The following GON4L variants were observed in gnomAD, a reference collection of about 807,000 sequenced individuals.
The protein encoded by GON4L is GON-4-like protein.
In GON4L, 87 loss-of-function variants were observed where a neutral mutation model predicts 211.8. The observed-to-expected ratio is 0.41, with a 90% CI of 0.35 to 0.49. The LOEUF (loss-of-function observed/expected upper bound fraction) is 0.49. GON4L is among the 20% of genes least tolerant of loss of function. The pLI is 0.15. For synonymous variants in GON4L, 875 were observed against 962.6 expected, an observed-to-expected ratio of 0.91 and a Z score of 1.68; for missense variants, 2,155 against 2,659.5, an observed-to-expected ratio of 0.81 and a Z score of 4.17.
intron 3 of GON4L, among the ~76,000 whole-genome samples, chr1:155,825,465 A>C (rs1281017742): frequency 6.6e-6 from 1 of 151,310 alleles, no homozygotes; most frequent in Non-Finnish European, 1.5e-5. Flanking sequence ...CCAGCTACCC[A>C]GGAGGCTGAG....
At chr1:155,825,959 C>T (rs968330588) in intron 3 of GON4L, among the ~76,000 whole-genome samples, 1 of 152,078 alleles carries the variant, frequency 6.6e-6, no homozygotes, top group Non-Finnish European at 1.5e-5. Flanking sequence ...GGGAGAATCG[C>T]TTGAACCTGG....
At chr1:155,806,360 C>A (rs1281360051) in intron 10 of GON4L, among the ~76,000 whole-genome samples, 2 of 151,910 alleles carry the variant, frequency 1.3e-5, no homozygotes, top group Non-Finnish European at 2.9e-5. Context: ...CCAGGCTTGT[C>A]TTGAATTCCT....
intron 8 of GON4L, among the ~76,000 whole-genome samples, chr1:155,815,102 CA>C (rs1177837669): frequency 6.7e-6 from 1 of 148,498 alleles, no homozygotes; most frequent in Non-Finnish European, 1.5e-5. Flanking sequence ...AGAGGAGACT[CA>C]AAAAAAAAAT....
intron 10 of GON4L, among the ~76,000 whole-genome samples, chr1:155,805,709 A>ATTT (rs1667062839): frequency 6.8e-6 from 1 of 146,218 alleles, no homozygotes. Context: ...TTTTTTTTTG[A>ATTT]GACATAGTCT....
chr1:155,822,570 A>T, intron 3 of GON4L, 94 bp from the exon 4 acceptor site: 1 of 884,270 alleles, frequency 1.1e-6, no homozygotes, highest in Non-Finnish European at 1.9e-6. Context: ...AAATCTCAAA[A>T]GCATTATGCT....
chr1:155,799,439 C>A (rs1666418606), intron 11 of GON4L, among the ~76,000 whole-genome samples: 1 of 151,990 alleles, frequency 6.6e-6, no homozygotes, highest in Admixed American at 6.6e-5. Flanking sequence ...TGTCTCAAAA[C>A]AAAACAAAAC....
chr1:155,841,115 T>C (rs1670735249), intron 2 of GON4L, among the ~76,000 whole-genome samples: 1 of 152,262 alleles, frequency 6.6e-6, no homozygotes. Context: ...TATGAATTAA[T>C]ATAACTTATT....
At chr1:155,834,855 A>T (rs1670143501) in intron 2 of GON4L, among the ~76,000 whole-genome samples, 1 of 146,670 alleles carries the variant, frequency 6.8e-6, no homozygotes, top group Admixed American at 6.6e-5. Context: ...CCTACTGGGA[A>T]GTGAGGAGCC....
At chr1:155,752,907 C>T (rs1184966567) in intron 29 of GON4L, among the ~76,000 whole-genome samples, 3 of 152,070 alleles carry the variant, frequency 2.0e-5, no homozygotes, top group Admixed American at 1.3e-4. Context: ...GAGAACGGCC[C>T]AGTCTTTAGG....
At chr1:155,846,947 T>C (rs1008575808) in intron 2 of GON4L, among the ~76,000 whole-genome samples, 29 of 152,088 alleles carry the variant, frequency 1.9e-4, no homozygotes, top group South Asian at 4.2e-4. Context: ...GCAGGGGCCA[T>C]TGAGGTTGTG....
chr1:155,779,827 T>C (rs1664231711), intron 14 of GON4L, among the ~76,000 whole-genome samples: 1 of 151,492 alleles, frequency 6.6e-6, no homozygotes, highest in Non-Finnish European at 1.5e-5. Flanking sequence ...AAATGGAGTC[T>C]TGCTCTGTCG....
chr1:155,824,501 T>C (rs1190525092), intron 3 of GON4L, among the ~76,000 whole-genome samples: 8 of 141,756 alleles, frequency 5.6e-5, no homozygotes, highest in Admixed American at 4.3e-4. Flanking sequence ...TCCCAGCACT[T>C]TGGGAGGCTG....
chr1:155,840,966 C>T (rs1346865671), intron 2 of GON4L, among the ~76,000 whole-genome samples: 1 of 152,018 alleles, frequency 6.6e-6, no homozygotes, highest in African/African-American at 2.4e-5. Flanking sequence ...ACCCGGGAGG[C>T]GGAGGTTGCG....
chr1:155,757,399 C>T, intron 25 of GON4L, 76 bp from the exon 26 acceptor site: 5 of 1,260,626 alleles, frequency 4.0e-6, no homozygotes, highest in South Asian at 1.3e-5. Context: ...ATCCCACATA[C>T]TTCCATGTTC....
chr1:155,797,856 A>G (rs1401383572), intron 11 of GON4L, among the ~76,000 whole-genome samples: 1 of 122,168 alleles, frequency 8.2e-6, no homozygotes, highest in Non-Finnish European at 1.8e-5. Flanking sequence ...ATCTAACAAG[A>G]AAAAAAAAAA....
At chr1:155,761,351 ATTTT>A (rs111459761) in intron 23 of GON4L, among the ~76,000 whole-genome samples, 1 of 146,938 alleles carries the variant, frequency 6.8e-6, no homozygotes, top group African/African-American at 2.5e-5. Context: ...TTAGCTCACT[ATTTT>A]TTTTTTATTT....
Position 155,760,630 on chromosome 1 carries a change from G to C in GON4L, c.4923C>G (p.Ala1641=). The change falls in exon 24 of 32, where the codon GCC becomes GCG. Residue 1641 remains alanine (A), a synonymous_variant. Transcript: ENST00000368331. ...AQAYLTRVRE[A]LQHIPGKYED... ...CATACTTGCCAGGGATATGTTGTAG[G>C]GCTTCTCGCACCTACACGGGAAGAC... 1 of 1,611,068 alleles carries C rather than the reference G, an allele frequency of 6.2e-7. No homozygotes were observed. Among genetic ancestry groups the C allele is most frequent in the Admixed American group, 1.7e-5 (1 of 60,008 alleles).
At chr1:155,809,541 A>ATTATATACTTATAAATTATATACTT (rs1667483981) in intron 10 of GON4L, among the ~76,000 whole-genome samples, 2 of 144,380 alleles carry the variant, frequency 1.4e-5, no homozygotes, top group Non-Finnish European at 3.0e-5. Flanking sequence ...ATAATTATAA[A>ATTATATACTTATAAATTATATACTT]TTATATACTT....
chr1:155,828,174 A>ACC (rs1669395452), intron 2 of GON4L, among the ~76,000 whole-genome samples: 1 of 151,544 alleles, frequency 6.6e-6, no homozygotes, highest in African/African-American at 2.4e-5. Context: ...ACACACACAC[A>ACC]CGCAAAGAAA....
Sources: gnomAD v4.1 joint callset for allele counts (sites outside exome capture counted in the v4.1 genomes callset) on GRCh38, gnomAD v4.1.1 for gene constraint, MANE v1.5 for transcripts, NCBI Gene and HGNC (gene_info 2026-07-23, HGNC 2026-07-21) for gene names.